RNF38: variants seen among roughly 807,000 people sequenced by gnomAD.
RNF38 encodes E3 ubiquitin-protein ligase RNF38.
Under a neutral mutation model 67.2 loss-of-function variants are expected in RNF38, and 15 were observed. The observed-to-expected ratio is 0.22, with a 90% CI of 0.15 to 0.34. The LOEUF is 0.34. RNF38 is among the 10% of genes least tolerant of loss of function. The pLI is 1.00. For missense variants in RNF38, 524 were observed against 639.9 expected (o/e 0.82, Z 1.95); for synonymous variants, 220 against 218.8 (o/e 1.01, Z -0.05).
intron 1 of RNF38, among the ~76,000 whole-genome samples, chr9:36,475,367 G>C (rs1205114984): frequency 6.6e-6 from 1 of 151,418 alleles, no homozygotes; most frequent in Non-Finnish European, 1.5e-5. Flanking sequence ...TTATCTTTTT[G>C]TGTGTGTGTA....
At chr9:36,454,915 G>T (rs1452203028) in intron 1 of RNF38, among the ~76,000 whole-genome samples, 1 of 152,028 alleles carries the variant, frequency 6.6e-6, no homozygotes, top group Admixed American at 6.6e-5. Flanking sequence ...GATTTTCAAG[G>T]TTATATATTT....
chr9:36,400,954 G>C (rs1487710085), upstream of RNF38: 15 of 981,256 alleles, frequency 1.5e-5, no homozygotes, highest in Admixed American at 1.3e-4. Flanking sequence ...GGCGATCACA[G>C]ACCCGGGCTC....
intron 1 of RNF38, among the ~76,000 whole-genome samples, chr9:36,456,336 C>T (rs1343319187): frequency 3.3e-5 from 5 of 152,172 alleles, no homozygotes; most frequent in African/African-American, 9.7e-5. Flanking sequence ...GGATTACAGG[C>T]GTGAGCCACA....
intron 2 of RNF38, among the ~76,000 whole-genome samples, chr9:36,409,601 A>C (rs1271149506): frequency 6.6e-6 from 1 of 152,230 alleles, no homozygotes; most frequent in Non-Finnish European, 1.5e-5. Flanking sequence ...CTGTACAGTC[A>C]ATAACTTGCT....
chr9:36,385,863 A>G (rs901171587), intron 2 of RNF38, among the ~76,000 whole-genome samples: 3 of 152,224 alleles, frequency 2.0e-5, no homozygotes, highest in South Asian at 4.1e-4. Context: ...AAATTGGGTT[A>G]CAAAGTTTTG....
chr9:36,481,157 C>G (rs1191694162), intron 1 of RNF38, among the ~76,000 whole-genome samples: 1 of 151,506 alleles, frequency 6.6e-6, no homozygotes, highest in Non-Finnish European at 1.5e-5. Flanking sequence ...TGAGATTACA[C>G]GTGCGTGCCA....
rs956488463 is a variant in RNF38, at chr9:36,339,306, TCA to T, written c.*444_*445del. 11 of 165,852 alleles carry T rather than the reference TCA, an allele frequency of 6.6e-5. No homozygotes were observed. Among genetic ancestry groups the T allele is most frequent in the East Asian group, 3.2e-4 (2 of 6,306 alleles). The allele number at this position is 165,852 out of a possible 1,614,324, so 10.3% of individuals were successfully genotyped here. ...CCCTCACACAAGTAGTTGCACACAC[TCA>T]CACAGATACACTTATCACCAACAGT... On this transcript the variant is annotated 3_prime_UTR_variant, in exon 12 of 12. Transcript: ENST00000259605.
intron 4 of RNF38, among the ~76,000 whole-genome samples, chr9:36,369,143 C>T (rs1159956541): frequency 6.6e-6 from 1 of 152,216 alleles, no homozygotes; most frequent in Admixed American, 6.5e-5. Flanking sequence ...GGAATATGTA[C>T]TCAAACCATC....
chr9:36,366,034 TAC>T (rs528441659), intron 4 of RNF38, among the ~76,000 whole-genome samples: 54 of 152,236 alleles, frequency 3.5e-4, no homozygotes, highest in African/African-American at 1.3e-3. Context: ...GAATTTTTAT[TAC>T]AGAGAATTTC....
intron 1 of RNF38, among the ~76,000 whole-genome samples, chr9:36,439,447 A>G (rs1199639963): frequency 6.6e-6 from 1 of 152,178 alleles, no homozygotes; most frequent in Non-Finnish European, 1.5e-5. Context: ...CGAAGCTTAT[A>G]TGACGTATGT....
At chr9:36,367,751 T>C (rs945108310) in intron 4 of RNF38, among the ~76,000 whole-genome samples, 6 of 152,206 alleles carry the variant, frequency 3.9e-5, no homozygotes, top group African/African-American at 1.2e-4. Context: ...ATTGTTAAGG[T>C]TGTGTTAGTT....
At chr9:36,400,037 C>T (rs1403850717) in intron 1 of RNF38, 60 bp downstream of exon 1, 3 of 1,496,516 alleles carry the variant, frequency 2.0e-6, no homozygotes, top group South Asian at 1.2e-5. Context: ...AATTAGCATA[C>T]CCAACTTTTA....
chr9:36,343,692 T>TA (rs1833013538), intron 10 of RNF38, among the ~76,000 whole-genome samples: 1 of 151,740 alleles, frequency 6.6e-6, no homozygotes, highest in Non-Finnish European at 1.5e-5. Context: ...GAAAAAAAAA[T>TA]ATGATCTATA....
chr9:36,349,999 A>G (rs1833578730), intron 9 of RNF38, among the ~76,000 whole-genome samples: 1 of 151,932 alleles, frequency 6.6e-6, no homozygotes, highest in African/African-American at 2.4e-5. Context: ...TAGTATTTTT[A>G]TAGAAACGGG....
chr9:36,374,263 G>A (rs1292284803), intron 3 of RNF38, among the ~76,000 whole-genome samples: 1 of 152,204 alleles, frequency 6.6e-6, no homozygotes, highest in Admixed American at 6.5e-5. Flanking sequence ...CAGAATGCTG[G>A]TTTTAAGATC....
intron 2 of RNF38, among the ~76,000 whole-genome samples, chr9:36,422,277 A>G (rs183989102): frequency 1.3e-5 from 2 of 152,020 alleles, no homozygotes; most frequent in African/African-American, 4.8e-5. Flanking sequence ...GCAAAAAATT[A>G]GCTGGCCGTG....
chr9:36,477,182 G>A (rs550954372), intron 1 of RNF38, among the ~76,000 whole-genome samples: 1 of 151,868 alleles, frequency 6.6e-6, no homozygotes, highest in African/African-American at 2.4e-5. Flanking sequence ...AAATTAGCCG[G>A]GCGTGGTGGT....
rs377078033 is a variant in RNF38 at position 36,351,806 on chromosome 9, C to T, written c.1179-607G>A. Among the ~76,000 whole-genome samples the T allele has an allele frequency of 9.2e-5, 14 of 152,292 alleles. No individual in the cohort carries two copies. The East Asian group carries it at 2.7e-3, about 29-fold the overall frequency. On this transcript the variant is annotated intron_variant, in intron 8 of 11. Transcript: ENST00000259605. The stretch of plus-strand genomic sequence containing the variant: ...ACAGAGGCAGGGGTTATACGTGCCA[C>T]TTCTGGGACATATCCTTGAGAGGAG...
chr9:36,349,514 A>C (rs991218849), intron 9 of RNF38, among the ~76,000 whole-genome samples: 1 of 152,232 alleles, frequency 6.6e-6, no homozygotes, highest in Non-Finnish European at 1.5e-5. Flanking sequence ...AGTTCCTTGA[A>C]TATTTTAAAT....
Sources: allele counts gnomAD v4.1 joint callset (sites outside exome capture counted in the v4.1 genomes callset), GRCh38; gene constraint gnomAD v4.1.1; transcripts MANE v1.5; gene names NCBI Gene and HGNC (gene_info 2026-07-23, HGNC 2026-07-21).